Variants in ATRNL1 observed in about 807,000 individuals in gnomAD.
ATRNL1 encodes the protein attractin like 1, also known as attractin-like protein 1.
A neutral mutation model predicts 182.7 loss-of-function variants in ATRNL1; 95 were observed. The ratio of observed to expected loss-of-function variants is 0.52; its 90% CI spans 0.44 to 0.62. The LOEUF (loss-of-function observed/expected upper bound fraction) is 0.62. Ranked by LOEUF, ATRNL1 falls within the 20% of genes least tolerant of loss-of-function variation. ATRNL1 has a pLI of 0.00. For synonymous variants in ATRNL1, 576 were observed against 568.3 expected (o/e 1.01, Z -0.19); for missense variants, 1,471 against 1,679.5 (o/e 0.88, Z 2.17).
chr10:115,887,989 T>C (rs983616577), intron 28 of ATRNL1, among the ~76,000 whole-genome samples: 10 of 152,148 alleles, frequency 6.6e-5, no homozygotes, highest in African/African-American at 2.4e-4. Context: ...GATAGGCATA[T>C]TGGAACTTAT....
At chr10:115,566,087 T>C (rs1456444818) in intron 26 of ATRNL1, among the ~76,000 whole-genome samples, 1 of 152,096 alleles carries the variant, frequency 6.6e-6, no homozygotes, top group Non-Finnish European at 1.5e-5. Flanking sequence ...GCTATAGTTT[T>C]CTTTTTTTCA....
chr10:115,404,915 T>A (rs1844746194), intron 20 of ATRNL1, among the ~76,000 whole-genome samples: 1 of 151,156 alleles, frequency 6.6e-6, no homozygotes, highest in East Asian at 2.0e-4. Flanking sequence ...TACATTCACA[T>A]AAGGCATAAA....
At chr10:115,547,406 T>C (rs1195786970) in intron 25 of ATRNL1, among the ~76,000 whole-genome samples, 2 of 152,004 alleles carry the variant, frequency 1.3e-5, no homozygotes, top group African/African-American at 4.8e-5. Context: ...GTACTGGGAA[T>C]TTCCTTCCTG....
At chr10:115,446,825 A>G (rs1847023503) in intron 21 of ATRNL1, among the ~76,000 whole-genome samples, 1 of 151,968 alleles carries the variant, frequency 6.6e-6, no homozygotes. Flanking sequence ...CTATTTTTAT[A>G]TAAAATTGGG....
chr10:115,293,889 A>T (rs11525277), intron 15 of ATRNL1, among the ~76,000 whole-genome samples: 33,010 of 151,932 alleles, frequency 0.22, 4,585 homozygotes, highest in Non-Finnish European at 0.31. Flanking sequence ...TGCTTTTAGA[A>T]TTCTTTCTGT....
chr10:115,304,518 A>G (rs1853631032), intron 17 of ATRNL1, among the ~76,000 whole-genome samples: 1 of 152,210 alleles, frequency 6.6e-6, no homozygotes, highest in African/African-American at 2.4e-5. Context: ...AAAAGGCAGA[A>G]GGTTCGCTCT....
At chr10:115,709,689 A>G (rs10885782) in intron 26 of ATRNL1, among the ~76,000 whole-genome samples, 57,289 of 151,800 alleles carry the variant, frequency 0.38, 11,731 homozygotes, top group East Asian at 0.65. Flanking sequence ...ATAAAAGGGT[A>G]CATTTAGTCT....
intron 24 of ATRNL1, among the ~76,000 whole-genome samples, chr10:115,494,729 C>G (rs1554977669): frequency 1.8e-4 from 28 of 152,224 alleles, no homozygotes. Flanking sequence ...ATATGCTGCT[C>G]AATTCACTTT....
At chr10:115,185,357 C>T (rs1220655869) in intron 8 of ATRNL1, among the ~76,000 whole-genome samples, 3 of 151,930 alleles carry the variant, frequency 2.0e-5, no homozygotes, top group Admixed American at 1.3e-4. Context: ...AAGCCAAGTA[C>T]ATCTTGTTAT....
At chr10:115,157,372 A>G (rs559047574) in intron 5 of ATRNL1, among the ~76,000 whole-genome samples, 1 of 152,070 alleles carries the variant, frequency 6.6e-6, no homozygotes, top group Non-Finnish European at 1.5e-5. Flanking sequence ...ATTTTAAGTC[A>G]TTTTGGTTAT....
intron 26 of ATRNL1, among the ~76,000 whole-genome samples, chr10:115,627,746 T>C (rs1437974175): frequency 6.6e-6 from 1 of 152,156 alleles, no homozygotes; most frequent in Non-Finnish European, 1.5e-5. Context: ...TTGGCAATTG[T>C]GAATAGTGCT....
intron 24 of ATRNL1, among the ~76,000 whole-genome samples, chr10:115,492,399 A>G (rs6585334): frequency 0.046 from 7,054 of 151,992 alleles, 582 homozygotes; most frequent in African/African-American, 0.16. Context: ...TTAGAGTTTG[A>G]TTTAATTAGG....
At chr10:115,455,990 T>C (rs1554968632) in intron 21 of ATRNL1, among the ~76,000 whole-genome samples, 6 of 152,246 alleles carry the variant, frequency 3.9e-5, no homozygotes, top group Non-Finnish European at 2.9e-5. Flanking sequence ...AAACAACAGA[T>C]GCTGGAGAGG....
At chr10:115,905,465 A>G (rs1429448711) in intron 28 of ATRNL1, among the ~76,000 whole-genome samples, 3 of 151,778 alleles carry the variant, frequency 2.0e-5, no homozygotes, top group Admixed American at 2.0e-4. Context: ...CCTGGGCTCA[A>G]GTGATCCACC....
chr10:115,231,547 T>A (rs1849952987), intron 9 of ATRNL1, among the ~76,000 whole-genome samples: 1 of 152,012 alleles, frequency 6.6e-6, no homozygotes, highest in African/African-American at 2.4e-5. Context: ...TTTGGAGAAA[T>A]AATTATGTTT....
intron 26 of ATRNL1, among the ~76,000 whole-genome samples, chr10:115,617,136 A>C (rs939833359): frequency 3.3e-5 from 5 of 152,178 alleles, no homozygotes; most frequent in Admixed American, 6.5e-5. Flanking sequence ...GTTGCCCAAG[A>C]CCTTGGGAGC....
At chr10:115,855,428 G>C (rs530955766) in intron 28 of ATRNL1, among the ~76,000 whole-genome samples, 1 of 152,234 alleles carries the variant, frequency 6.6e-6, no homozygotes, top group South Asian at 2.1e-4. Context: ...ATATATCAGA[G>C]TTGCTATGTT....
chr10:115,125,428 A>C (rs1169298372), intron 3 of ATRNL1, among the ~76,000 whole-genome samples: 1 of 152,076 alleles, frequency 6.6e-6, no homozygotes, highest in East Asian at 1.9e-4. Context: ...ACACTAAAGA[A>C]GTTGGGCTTT....
intron 5 of ATRNL1, among the ~76,000 whole-genome samples, chr10:115,137,926 A>G (rs1440791751): frequency 6.6e-6 from 1 of 152,224 alleles, no homozygotes; most frequent in African/African-American, 2.4e-5. Context: ...TGAGCCTGTA[A>G]AATCAAAAGC....
Sources: gnomAD v4.1 joint callset for allele counts (sites outside exome capture counted in the v4.1 genomes callset) on GRCh38, gnomAD v4.1.1 for gene constraint, MANE v1.5 for transcripts, NCBI Gene and HGNC (gene_info 2026-07-23, HGNC 2026-07-21) for gene names.